SLC35D2: variants seen among roughly 807,000 people sequenced by gnomAD.
SLC35D2 encodes the protein solute carrier family 35 member D2.
A neutral mutation model predicts 41.8 loss-of-function variants in SLC35D2; 43 were observed. The ratio of observed to expected loss-of-function variants is 1.03; its 90% CI spans 0.81 to 1.33. The LOEUF is 1.33. Ranked by LOEUF, SLC35D2 falls within the 40% of genes most tolerant of loss-of-function variation. SLC35D2 has a pLI of 0.00. For missense variants in SLC35D2, 380 were observed against 408.4 expected, an observed-to-expected ratio of 0.93 and a Z score of 0.60; for synonymous variants, 150 against 163.9, an observed-to-expected ratio of 0.92 and a Z score of 0.65.
chr9:96,327,820 C>T (rs1439135177), intron 9 of SLC35D2, among the ~76,000 whole-genome samples: 2 of 151,666 alleles, frequency 1.3e-5, no homozygotes, highest in Non-Finnish European at 2.9e-5. Context: ...CAGAGTCTTG[C>T]TATCTTGCCC....
At chr9:96,345,166 T>C (rs1355496961) in intron 7 of SLC35D2, 133 bp downstream of exon 7, 4 of 559,874 alleles carry the variant, frequency 7.1e-6, no homozygotes, top group African/African-American at 3.9e-5. Context: ...GACAAGATAA[T>C]TGAAAATAAG....
intron 8 of SLC35D2, among the ~76,000 whole-genome samples, chr9:96,341,506 A>T (rs1309643925): frequency 1.3e-5 from 2 of 152,204 alleles, no homozygotes; most frequent in Non-Finnish European, 2.9e-5. Context: ...AATGCCCTAG[A>T]TGCTTTGCCT....
intron 1 of SLC35D2, 81 bp downstream of exon 1, chr9:96,383,396 T>G: frequency 2.5e-6 from 3 of 1,194,942 alleles, no homozygotes; most frequent in Non-Finnish European, 3.4e-6. Context: ...ACCCGCCCTG[T>G]CCCGGGCGCC....
In SLC35D2 at chr9:96,321,024, G is replaced by T. The variant is rs912162473; in HGVS notation, c.*218C>A. 6.4e-6 allele frequency: 3 copies of T among 469,160 alleles called. No homozygotes were observed. The highest frequency in any genetic ancestry group is 4.0e-5 in the African/African-American group (2 of 49,824). 29.1% of individuals were successfully genotyped at this position (469,160 alleles called of 1,614,324 possible). A position where few individuals can be genotyped will look rare whatever the true frequency, so the allele number is the denominator to read the frequency against. ...GAGTCCCAGTGGCTTATTTTGAAAA[G>T]ATTTGCTTTCCACAGGTAAGGTGTC... On this transcript the variant is annotated 3_prime_UTR_variant, in exon 12 of 12. Coordinates refer to ENST00000253270, the MANE Select transcript of SLC35D2 (RefSeq NM_007001.3).
At chr9:96,321,602 T>C (rs1693920584) in intron 11 of SLC35D2, among the ~76,000 whole-genome samples, 1 of 152,140 alleles carries the variant, frequency 6.6e-6, no homozygotes, top group African/African-American at 2.4e-5. Flanking sequence ...ATAAACTACA[T>C]ACCCTTAGCC....
At chr9:96,317,894 G>A (rs1467185632), downstream of SLC35D2, among the ~76,000 whole-genome samples, 5 of 150,172 alleles carry the variant, frequency 3.3e-5, no homozygotes, top group Non-Finnish European at 7.4e-5. Context: ...ATAGCCAGGC[G>A]TAGTGGCGTA....
chr9:96,316,438 T>C (rs1436481965), downstream of SLC35D2, among the ~76,000 whole-genome samples: 5 of 150,550 alleles, frequency 3.3e-5, no homozygotes, highest in African/African-American at 1.2e-4. Context: ...GAGGCAGAGA[T>C]CATGCCACTG....
intron 4 of SLC35D2, among the ~76,000 whole-genome samples, chr9:96,352,644 C>T (rs1488846911): frequency 1.3e-5 from 2 of 152,070 alleles, no homozygotes; most frequent in East Asian, 1.9e-4. Flanking sequence ...TTTAAGACAC[C>T]GTTCTGTCCA....
downstream of SLC35D2, among the ~76,000 whole-genome samples, chr9:96,319,864 A>T (rs1180767354): frequency 6.6e-6 from 1 of 152,072 alleles, no homozygotes; most frequent in Non-Finnish European, 1.5e-5. Context: ...GCTTCTCGAA[A>T]CTCAGAAAGT....
intron 6 of SLC35D2, among the ~76,000 whole-genome samples, chr9:96,346,888 G>A (rs1158510310): frequency 1.3e-5 from 2 of 151,272 alleles, no homozygotes; most frequent in Non-Finnish European, 2.9e-5. Context: ...TGTAATCCCA[G>A]CACTTTGGGA....
intron 3 of SLC35D2, among the ~76,000 whole-genome samples, chr9:96,363,058 G>C (rs113833175): frequency 6.6e-6 from 1 of 151,864 alleles, no homozygotes; most frequent in Admixed American, 6.6e-5. Context: ...CAGTAGAGAC[G>C]GGGTTTCACC....
At chr9:96,355,519 A>G (rs370603942) in intron 4 of SLC35D2, among the ~76,000 whole-genome samples, 2 of 150,540 alleles carry the variant, frequency 1.3e-5, no homozygotes, top group East Asian at 4.0e-4. Context: ...TTTTTTTGAG[A>G]CGGAGTTTCG....
downstream of SLC35D2, among the ~76,000 whole-genome samples, chr9:96,316,505 G>C (rs1211428229): frequency 6.6e-6 from 1 of 151,900 alleles, no homozygotes; most frequent in Non-Finnish European, 1.5e-5. Flanking sequence ...AAAAAAAAGG[G>C]GGGGAAGATG....
Position 96,345,418 on chromosome 9 carries a change from A to G in SLC35D2, c.489-17T>C, listed in dbSNP as rs568674304. On this transcript the variant is annotated splice_polypyrimidine_tract_variant and intron_variant, in intron 6 of 11. Coordinates refer to ENST00000253270, the MANE Select transcript of SLC35D2 (RefSeq NM_007001.3). The stretch of plus-strand genomic sequence containing the variant: ...AGGTCAGACCTGGGAGGGAGACCAC[A>G]AAGGGAGAATGATTACTCAAAAACT... The G allele has an allele frequency of 7.1e-7, 1 of 1,411,174 alleles. No individual in the cohort carries two copies. The highest frequency in any genetic ancestry group is 1.4e-5 in the African/African-American group (1 of 70,616). 87.4% of individuals were successfully genotyped at this position (1,411,174 alleles called of 1,614,324 possible).
intron 3 of SLC35D2, 109 bp from the exon 4 acceptor site, chr9:96,360,330 G>C: frequency 1.1e-6 from 1 of 889,570 alleles, no homozygotes. Flanking sequence ...CTTCAAACAG[G>C]CATTAAAAAA....
chr9:96,314,983 C>T (rs369695305), intron 11 of SLC35D2: 9 of 152,286 alleles, frequency 5.9e-5, no homozygotes, highest in African/African-American at 2.2e-4. Context: ...AGTAGGTTTA[C>T]CTGAATCAAT....
At chr9:96,324,301 T>C in intron 9 of SLC35D2, 132 bp from the exon 10 acceptor site, 1 of 619,716 alleles carries the variant, frequency 1.6e-6, no homozygotes, top group Non-Finnish European at 2.8e-6. Context: ...ATAAAGGTTT[T>C]GTAACCCACA....
At chr9:96,376,294 C>CA (rs1163220771) in intron 1 of SLC35D2, among the ~76,000 whole-genome samples, 3,208 of 54,250 alleles carry the variant, frequency 0.059, 74 homozygotes, top group Non-Finnish European at 0.069. Flanking sequence ...GACTCTGTCT[C>CA]AAAAAAAAAA....
At chr9:96,339,149 C>A (rs112100257) in intron 8 of SLC35D2, among the ~76,000 whole-genome samples, 4 of 151,936 alleles carry the variant, frequency 2.6e-5, no homozygotes, top group African/African-American at 9.7e-5. Flanking sequence ...CTCGCCCTGT[C>A]GCCCAGGCTG....
Sources: gnomAD v4.1 joint callset for allele counts (sites outside exome capture counted in the v4.1 genomes callset) on GRCh38, gnomAD v4.1.1 for gene constraint, MANE v1.5 for transcripts, NCBI Gene and HGNC (gene_info 2026-07-23, HGNC 2026-07-21) for gene names.